The following SEMA3E variants were observed in gnomAD, a reference collection of about 807,000 sequenced individuals.
SEMA3E encodes the protein semaphorin 3E.
In SEMA3E, 49 loss-of-function variants were observed where a neutral mutation model predicts 93.6. The ratio of observed to expected loss-of-function variants is 0.52; its 90% CI spans 0.42 to 0.66. The LOEUF (loss-of-function observed/expected upper bound fraction) is 0.66, where lower values mean the gene tolerates loss of function less well. Among genes scored for constraint, SEMA3E ranks in the 30% least tolerant of loss-of-function variants. The pLI is 0.00. For synonymous variants in SEMA3E, 363 were observed against 330.7 expected (o/e 1.10, Z -1.06); for missense variants, 906 against 964.8 (o/e 0.94, Z 0.81).
chr7:83,604,227 TA>T (rs140481767), intron 1 of SEMA3E, among the ~76,000 whole-genome samples: 32,191 of 151,908 alleles, frequency 0.21, 3,678 homozygotes, highest in East Asian at 0.37. Context: ...AAAATTAGTT[TA>T]ATAAGTAAAA....
chr7:83,589,459 T>C (rs1042552852), intron 1 of SEMA3E, among the ~76,000 whole-genome samples: 2 of 152,066 alleles, frequency 1.3e-5, no homozygotes, highest in African/African-American at 4.8e-5. Context: ...TCACATGGGG[T>C]TGCTCAGCGC....
At chr7:83,490,380 A>G (rs1790357553) in intron 1 of SEMA3E, 106 bp from the exon 2 acceptor site, 1 of 1,121,316 alleles carries the variant, frequency 8.9e-7, no homozygotes, top group Non-Finnish European at 1.3e-6. Flanking sequence ...CTGAGTCATT[A>G]ACATTCATTT....
intron 1 of SEMA3E, among the ~76,000 whole-genome samples, chr7:83,570,834 A>G (rs979032967): frequency 1.3e-5 from 2 of 151,370 alleles, no homozygotes; most frequent in Non-Finnish European, 2.9e-5. Context: ...GAAGATCCAA[A>G]TAAGTGCAAT....
chr7:83,584,448 T>G (rs1400166554), intron 1 of SEMA3E, among the ~76,000 whole-genome samples: 1 of 152,178 alleles, frequency 6.6e-6, no homozygotes, highest in Non-Finnish European at 1.5e-5. Flanking sequence ...TGAGTAGGAC[T>G]CGAACACTAA....
At chr7:83,453,507 A>T (rs1789408597) in intron 4 of SEMA3E, among the ~76,000 whole-genome samples, 1 of 152,150 alleles carries the variant, frequency 6.6e-6, no homozygotes, top group Admixed American at 6.5e-5. Context: ...AAGACAAAAC[A>T]AAAGAAACAA....
Position 83,367,230 on chromosome 7 carries a change from CATGATT to C in SEMA3E, c.*350_*355del, listed in dbSNP as rs946854247. The C allele has an allele frequency of 1.8e-5, 4 of 226,596 alleles. No individual in the cohort carries two copies. The highest frequency in any genetic ancestry group is 5.2e-5 in the Admixed American group (1 of 19,106). 14.0% of individuals were successfully genotyped at this position (226,596 alleles called of 1,614,324 possible). A position where few individuals can be genotyped will look rare whatever the true frequency, so the allele number is the denominator to read the frequency against. ...AAAACATATTTAGTTTTATATTTAC[CATGATT>C]ATAAGTCTCCAATTTTTCTTCAATA... is the stretch of plus-strand genomic sequence containing the variant. On this transcript the variant is annotated 3_prime_UTR_variant, in exon 17 of 17. Coordinates refer to ENST00000643230, the MANE Select transcript of SEMA3E (RefSeq NM_012431.3).
At chr7:83,421,641 A>G (rs1331951638) in intron 4 of SEMA3E, among the ~76,000 whole-genome samples, 4 of 142,498 alleles carry the variant, frequency 2.8e-5, no homozygotes, top group African/African-American at 7.5e-5. Flanking sequence ...AACAATCTTG[A>G]AAGTCCAGAG....
intron 2 of SEMA3E, 51 bp from the exon 3 acceptor site, chr7:83,469,353 C>T (rs759401201): frequency 2.3e-6 from 3 of 1,298,720 alleles, no homozygotes; most frequent in Non-Finnish European, 3.3e-6. Flanking sequence ...AAAAATAAAC[C>T]ACACTGAAAA....
intron 1 of SEMA3E, among the ~76,000 whole-genome samples, chr7:83,554,338 G>A (rs975804182): frequency 2.6e-5 from 4 of 152,188 alleles, no homozygotes; most frequent in South Asian, 2.1e-4. Flanking sequence ...GTAAGCAATG[G>A]AAAAATGAGT....
At chr7:83,445,372 A>G (rs1404750346) in intron 4 of SEMA3E, among the ~76,000 whole-genome samples, 1 of 152,138 alleles carries the variant, frequency 6.6e-6, no homozygotes, top group African/African-American at 2.4e-5. Flanking sequence ...GGATAGAAAA[A>G]AAAGGATATT....
chr7:83,522,920 G>T (rs17157704), intron 1 of SEMA3E, among the ~76,000 whole-genome samples: 1 of 151,724 alleles, frequency 6.6e-6, no homozygotes, highest in Non-Finnish European at 1.5e-5. Flanking sequence ...TGTTACTCTC[G>T]TAAGCCCCTA....
chr7:83,378,737 T>C (rs1787711287), intron 16 of SEMA3E, among the ~76,000 whole-genome samples: 1 of 151,960 alleles, frequency 6.6e-6, no homozygotes, highest in Non-Finnish European at 1.5e-5. Context: ...CTGTTTCTAC[T>C]TATTTAAGCC....
At chr7:83,450,916 G>C (rs960325168) in intron 4 of SEMA3E, among the ~76,000 whole-genome samples, 11 of 152,112 alleles carry the variant, frequency 7.2e-5, no homozygotes, top group Admixed American at 2.6e-4. Flanking sequence ...CAGGAGAGGG[G>C]GCAATAAGCT....
chr7:83,467,271 T>C (rs1377536374), intron 3 of SEMA3E, among the ~76,000 whole-genome samples: 2 of 152,150 alleles, frequency 1.3e-5, no homozygotes, highest in Non-Finnish European at 2.9e-5. Flanking sequence ...TTCCCCATGT[T>C]GCCCAGGCTA....
At chr7:83,644,883 C>G (rs1036927775) in intron 1 of SEMA3E, among the ~76,000 whole-genome samples, 1 of 151,946 alleles carries the variant, frequency 6.6e-6, no homozygotes, top group Non-Finnish European at 1.5e-5. Context: ...ATTTAAATGT[C>G]TCTTCACCAA....
intron 14 of SEMA3E, among the ~76,000 whole-genome samples, chr7:83,390,720 T>C (rs1435436615): frequency 6.6e-6 from 1 of 152,198 alleles, no homozygotes; most frequent in African/African-American, 2.4e-5. Flanking sequence ...CACTGAAAGA[T>C]CTCCATTACA....
At chr7:83,637,567 C>T (rs1055984628) in intron 1 of SEMA3E, among the ~76,000 whole-genome samples, 10 of 152,034 alleles carry the variant, frequency 6.6e-5, no homozygotes, top group African/African-American at 1.9e-4. Context: ...GCAGTTTCCC[C>T]CATGCTCTTC....
intron 1 of SEMA3E, among the ~76,000 whole-genome samples, chr7:83,624,834 C>T (rs934245140): frequency 3.9e-5 from 6 of 152,148 alleles, no homozygotes; most frequent in African/African-American, 9.7e-5. Flanking sequence ...CCTAGGTTTT[C>T]GCCTAGGGTT....
At chr7:83,500,361 G>C (rs535548590) in intron 1 of SEMA3E, among the ~76,000 whole-genome samples, 1 of 151,982 alleles carries the variant, frequency 6.6e-6, no homozygotes, top group Admixed American at 6.6e-5. Context: ...GCTTGAACCC[G>C]AGAGGTGGAG....
Sources: gnomAD v4.1 joint callset for allele counts (sites outside exome capture counted in the v4.1 genomes callset) on GRCh38, gnomAD v4.1.1 for gene constraint, MANE v1.5 for transcripts, NCBI Gene and HGNC (gene_info 2026-07-23, HGNC 2026-07-21) for gene names.